The following ERC2 variants were observed in gnomAD, a reference collection of about 807,000 sequenced individuals.
ERC2 encodes ERC protein 2.
In ERC2, 42 loss-of-function variants were observed where a neutral mutation model predicts 114.8. The observed-to-expected ratio is 0.37, with a 90% confidence interval of 0.29 to 0.47. The LOEUF is 0.47. ERC2 is among the 20% of genes least tolerant of loss of function. The pLI is 0.99. For synonymous variants in ERC2, 454 were observed against 425.5 expected (o/e 1.07, Z -0.82); for missense variants, 939 against 1,150.7 (o/e 0.82, Z 2.66).
chr3:55,833,975 A>G (rs2060746204), intron 14 of ERC2, among the ~76,000 whole-genome samples: 1 of 151,472 alleles, frequency 6.6e-6, no homozygotes, highest in African/African-American at 2.4e-5. Flanking sequence ...CTCTGATAAA[A>G]CAGACTTTAA....
intron 17 of ERC2, chr3:55,610,788 T>C (rs1204260394): frequency 6.6e-6 from 1 of 152,178 alleles, no homozygotes; most frequent in African/African-American, 2.4e-5. Context: ...AAGAAAAATG[T>C]ATCAAATAGA....
At chr3:56,236,931 G>T (rs2050987626) in intron 3 of ERC2, among the ~76,000 whole-genome samples, 1 of 152,096 alleles carries the variant, frequency 6.6e-6, no homozygotes, top group Non-Finnish European at 1.5e-5. Flanking sequence ...CACGAATGTT[G>T]GTAAAAACAT....
At chr3:56,278,997 C>A (rs1488802024) in intron 3 of ERC2, among the ~76,000 whole-genome samples, 1 of 152,116 alleles carries the variant, frequency 6.6e-6, no homozygotes, top group Non-Finnish European at 1.5e-5. Flanking sequence ...ATGTGCCATA[C>A]CAGGCAGAAA....
At chr3:56,217,966 TA>T (rs1162107266) in intron 3 of ERC2, among the ~76,000 whole-genome samples, 1 of 152,140 alleles carries the variant, frequency 6.6e-6, no homozygotes, top group Non-Finnish European at 1.5e-5. Flanking sequence ...ATCCCTTCCT[TA>T]CACCTTATAC....
At chr3:55,759,309 C>T (rs576328848) in intron 14 of ERC2, among the ~76,000 whole-genome samples, 6 of 151,980 alleles carry the variant, frequency 3.9e-5, no homozygotes, top group Middle Eastern at 3.4e-3. Flanking sequence ...CTAGATTCTT[C>T]GCAAATACAA....
rs1640853559 is a variant in ERC2, at chr3:55,595,753, G to A, written c.*40-84477C>T. On this transcript the variant is annotated intron_variant, in intron 17 of 17. Transcript: ENST00000288221. ...AGGGCTCAAATGCAGACAAAGGGAA[G>A]GGCAACTAAAGAAACCAAGTGGATC... 2.0e-5 allele frequency among the ~76,000 whole-genome samples: 3 copies of A among 152,188 alleles called. No individual in the cohort carries two copies. The South Asian group carries it at 6.2e-4, about 32-fold the overall frequency.
intron 4 of ERC2, among the ~76,000 whole-genome samples, chr3:56,155,413 T>C (rs1270078038): frequency 1.3e-5 from 2 of 151,958 alleles, no homozygotes; most frequent in Non-Finnish European, 2.9e-5. Context: ...TGGCCTTCTT[T>C]GATATCATGT....
chr3:55,937,469 T>G (rs532479704), intron 13 of ERC2, among the ~76,000 whole-genome samples: 1 of 152,306 alleles, frequency 6.6e-6, no homozygotes, highest in South Asian at 2.1e-4. Flanking sequence ...TGTGGCTTTG[T>G]TCAAGACTCC....
chr3:55,847,669 GA>G (rs900947746), intron 14 of ERC2, among the ~76,000 whole-genome samples: 35 of 147,696 alleles, frequency 2.4e-4, no homozygotes, highest in African/African-American at 8.4e-4. Flanking sequence ...GAGGACAGAT[GA>G]AAAAAAGAAG....
intron 7 of ERC2, among the ~76,000 whole-genome samples, chr3:56,032,907 GAA>G (rs2074472625): frequency 1.3e-4 from 6 of 47,686 alleles, no homozygotes; most frequent in Non-Finnish European, 1.9e-4. Context: ...GAGACAGAAA[GAA>G]AGAAAGAAAG....
At chr3:56,223,902 C>A (rs911855810) in intron 3 of ERC2, among the ~76,000 whole-genome samples, 2 of 152,180 alleles carry the variant, frequency 1.3e-5, no homozygotes, top group Non-Finnish European at 1.5e-5. Flanking sequence ...TCAATCACAT[C>A]TTTCAATGAT....
At chr3:55,980,907 C>T (rs1359930187) in intron 12 of ERC2, among the ~76,000 whole-genome samples, 2 of 152,226 alleles carry the variant, frequency 1.3e-5, no homozygotes, top group Non-Finnish European at 2.9e-5. Context: ...AACGTTTCAA[C>T]TACAGTGCCA....
At chr3:55,781,498 T>TG (rs2069041471) in intron 14 of ERC2, among the ~76,000 whole-genome samples, 2 of 105,402 alleles carry the variant, frequency 1.9e-5, no homozygotes, top group Admixed American at 1.1e-4. Flanking sequence ...TTAAAAATGG[T>TG]TTTTTTTTTG....
chr3:55,853,736 T>A (rs2061669831), intron 14 of ERC2, among the ~76,000 whole-genome samples: 1 of 152,166 alleles, frequency 6.6e-6, no homozygotes, highest in South Asian at 2.1e-4. Context: ...CAAAGTATAA[T>A]GTCGGCTGCC....
chr3:56,190,495 G>A (rs2083916289), intron 3 of ERC2, among the ~76,000 whole-genome samples: 1 of 152,114 alleles, frequency 6.6e-6, no homozygotes, highest in Non-Finnish European at 1.5e-5. Context: ...GTACAGTGGT[G>A]CAATCATAGC....
intron 12 of ERC2, among the ~76,000 whole-genome samples, chr3:55,979,487 A>G (rs564213836): frequency 1.3e-5 from 2 of 152,228 alleles, no homozygotes; most frequent in Non-Finnish European, 2.9e-5. Flanking sequence ...TATGGGTGGA[A>G]TCTCACTAGA....
chr3:56,000,273 G>T (rs1328809721), intron 10 of ERC2, among the ~76,000 whole-genome samples: 1 of 151,998 alleles, frequency 6.6e-6, no homozygotes, highest in African/African-American at 2.4e-5. Context: ...TTAAATATAG[G>T]TAAGTGAAAT....
chr3:55,731,197 AG>A (rs5849108), intron 15 of ERC2, among the ~76,000 whole-genome samples: 34,077 of 152,094 alleles, frequency 0.22, 4,457 homozygotes, highest in African/African-American at 0.33. Context: ...GCTTTAGGAG[AG>A]GAGGACCAGG....
intron 17 of ERC2, among the ~76,000 whole-genome samples, chr3:55,677,920 C>A (rs969526484): frequency 6.6e-6 from 1 of 152,268 alleles, no homozygotes; most frequent in Non-Finnish European, 1.5e-5. Context: ...TTGTTCACTA[C>A]CTTGACTCAG....
Sources: gnomAD v4.1 joint callset for allele counts (sites outside exome capture counted in the v4.1 genomes callset) on GRCh38, gnomAD v4.1.1 for gene constraint, MANE v1.5 for transcripts, NCBI Gene and HGNC (gene_info 2026-07-23, HGNC 2026-07-21) for gene names.